Variants in PXDNL observed in about 807,000 individuals in gnomAD.
PXDNL encodes probable oxidoreductase PXDNL.
A neutral mutation model predicts 150.8 loss-of-function variants in PXDNL; 145 were observed. That is an observed-to-expected ratio of 0.96 (90% CI 0.84 to 1.10). PXDNL has a LOEUF of 1.10. Ranked by LOEUF, PXDNL falls within the 50% of genes least tolerant of loss-of-function variation. PXDNL has a pLI of 0.00. For synonymous variants in PXDNL, 757 were observed against 725.7 expected, an observed-to-expected ratio of 1.04 and a Z score of -0.69; for missense variants, 2,087 against 1,873.9, an observed-to-expected ratio of 1.11 and a Z score of -2.10.
intron 1 of PXDNL, among the ~76,000 whole-genome samples, chr8:51,715,223 A>T (rs376806317): frequency 5.5e-4 from 84 of 152,352 alleles, no homozygotes; most frequent in African/African-American, 1.7e-3. Context: ...CAAAGAAGAC[A>T]TACAGAGGGC....
intron 12 of PXDNL, chr8:51,436,274 A>G: frequency 2.0e-6 from 1 of 500,130 alleles, no homozygotes; most frequent in South Asian, 1.5e-5. Context: ...TATATCATAG[A>G]AGAAGGTGTT....
At chr8:51,633,557 T>C (rs976604331) in intron 2 of PXDNL, among the ~76,000 whole-genome samples, 3 of 152,102 alleles carry the variant, frequency 2.0e-5, no homozygotes, top group African/African-American at 7.2e-5. Flanking sequence ...GCATCTGTTG[T>C]TTTTTAACTT....
chr8:51,540,284 A>AT (rs1417013436), intron 4 of PXDNL, among the ~76,000 whole-genome samples: 2 of 151,928 alleles, frequency 1.3e-5, no homozygotes, highest in Non-Finnish European at 1.5e-5. Context: ...ACAATTCTCC[A>AT]TTTTTTGTCC....
chr8:51,423,825 A>G, intron 13 of PXDNL, 94 bp from the exon 14 acceptor site: 2 of 1,163,786 alleles, frequency 1.7e-6, no homozygotes, highest in Non-Finnish European at 2.4e-6. Flanking sequence ...TATTCAACAG[A>G]TATCTATTGC....
chr8:51,449,111 T>C lies in PXDNL; in HGVS notation c.1257A>G (p.Pro419=), dbSNP rs1197185911. The C allele has an allele frequency of 2.0e-6, 3 of 1,532,998 alleles. No homozygotes were observed. The African/African-American group carries it at 4.1e-5, about 21-fold the overall frequency. The allele number at this position is 1,532,998 out of a possible 1,614,324, so 95.0% of individuals were successfully genotyped here. Residue 419 remains proline (P), a synonymous_variant, in exon 11 of 23, where the codon CCA becomes CCG. Transcript: ENST00000356297. ...GATCCTTGGGGGTTACTGTAAATTG[T>C]GGAGGAGCTAAAGAGAATGAAACAT... ...AAANIIVQAP[P]QFTVTPKDQV...
intron 1 of PXDNL, chr8:51,721,732 T>G: frequency 4.6e-6 from 2 of 432,166 alleles, no homozygotes; most frequent in Non-Finnish European, 9.1e-6. Context: ...AACTTCACTA[T>G]CATCATCATC....
chr8:51,599,811 C>T (rs1389194929), intron 2 of PXDNL, among the ~76,000 whole-genome samples: 3 of 140,758 alleles, frequency 2.1e-5, no homozygotes, highest in African/African-American at 8.1e-5. Flanking sequence ...TAAATTATAC[C>T]TTATATAAAT....
chr8:51,692,177 G>A (rs1051298861), intron 1 of PXDNL, among the ~76,000 whole-genome samples: 21 of 152,186 alleles, frequency 1.4e-4, no homozygotes, highest in East Asian at 1.9e-4. Flanking sequence ...TTCTGTCAAC[G>A]TGTGCTATAT....
intron 1 of PXDNL, among the ~76,000 whole-genome samples, chr8:51,711,252 C>T (rs925362131): frequency 3.9e-5 from 6 of 152,152 alleles, no homozygotes; most frequent in African/African-American, 1.2e-4. Context: ...ATTCTCTTGC[C>T]TCAACCTCTC....
chr8:51,744,093 G>GGAAA (rs1259792170), intron 1 of PXDNL, among the ~76,000 whole-genome samples: 2 of 41,128 alleles, frequency 4.9e-5, no homozygotes, highest in African/African-American at 1.2e-4. Flanking sequence ...AAGGAAGGAA[G>GGAAA]GAAAGAAAGA....
At chr8:51,658,981 T>C (rs1014290189) in intron 1 of PXDNL, among the ~76,000 whole-genome samples, 1 of 91,886 alleles carries the variant, frequency 1.1e-5, no homozygotes, top group Non-Finnish European at 2.6e-5. Context: ...CATGTCTCCT[T>C]GTACACTTGA....
chr8:51,638,511 C>G (rs1188776160), intron 2 of PXDNL, among the ~76,000 whole-genome samples: 1 of 151,948 alleles, frequency 6.6e-6, no homozygotes, highest in Non-Finnish European at 1.5e-5. Context: ...GGAAGATCTA[C>G]CAAGCAAATA....
chr8:51,475,010 C>A lies in PXDNL; in HGVS notation c.656G>T (p.Arg219Leu). 2 of 1,608,916 alleles carry A rather than the reference C, an allele frequency of 1.2e-6. No homozygotes were observed. Among genetic ancestry groups the A allele is most frequent in the Non-Finnish European group, 1.7e-6 (2 of 1,177,306 alleles). The change falls in exon 7 of 23, where the codon CGT becomes CTT. Residue 219 changes from arginine to leucine, a missense_variant. Arg to Leu is a moderately radical substitution (Grantham distance 102, BLOSUM62 -2). Transcript: ENST00000356297. ...TCEYPRRLHGRAVASVTVEEF... is the reference protein window; with the variant it reads ...TCEYPRRLHGLAVASVTVEEF... ...CTCTACTGTTACTGAAGCAACTGCA[C>A]GCCCATGGAGTCTCCTGGGATATTC...
At chr8:51,785,187 C>G (rs1167154098) in intron 1 of PXDNL, among the ~76,000 whole-genome samples, 2 of 151,894 alleles carry the variant, frequency 1.3e-5, no homozygotes, top group Non-Finnish European at 2.9e-5. Context: ...ACTCTAACTC[C>G]AGAATCCACT....
Position 51,441,966 on chromosome 8 carries a change from CACAAAGCA to C in PXDNL, c.1525+5030_1525+5037del, listed in dbSNP as rs374121421. On this transcript the variant is annotated intron_variant, in intron 12 of 22. Transcript: ENST00000356297. ...GAGCACCCTGATGACCAAATAAGGC[CACAAAGCA>C]ACAGAAGGAGAGGTCGCCACACTGC... Among the ~76,000 whole-genome samples the C allele has an allele frequency of 5.0e-3, 754 of 152,166 alleles. 5 individuals are homozygous for C. The highest frequency in any genetic ancestry group is 0.017 in the African/African-American group (716 of 41,526).
intron 2 of PXDNL, among the ~76,000 whole-genome samples, chr8:51,638,803 G>T (rs1395393890): frequency 6.6e-6 from 1 of 152,058 alleles, no homozygotes; most frequent in Non-Finnish European, 1.5e-5. Context: ...GAGACAGAAA[G>T]TTAAAAAGGA....
At chr8:51,790,543 G>A (rs2037502092) in intron 1 of PXDNL, among the ~76,000 whole-genome samples, 1 of 152,130 alleles carries the variant, frequency 6.6e-6, no homozygotes, top group Non-Finnish European at 1.5e-5. Flanking sequence ...TGGCATCCAG[G>A]AGCAACTAAG....
intron 2 of PXDNL, among the ~76,000 whole-genome samples, chr8:51,632,462 G>T (rs1814512088): frequency 1.3e-5 from 2 of 152,080 alleles, no homozygotes; most frequent in African/African-American, 4.8e-5. Context: ...AATGAGCCAG[G>T]CATGGTGGCA....
intron 1 of PXDNL, among the ~76,000 whole-genome samples, chr8:51,710,086 C>T (rs1816463030): frequency 2.0e-5 from 3 of 152,130 alleles, no homozygotes; most frequent in Non-Finnish European, 4.4e-5. Context: ...AAAAATATTT[C>T]CTGTCCTTAT....
Sources: allele counts gnomAD v4.1 joint callset (sites outside exome capture counted in the v4.1 genomes callset), GRCh38; gene constraint gnomAD v4.1.1; transcripts MANE v1.5; gene names NCBI Gene and HGNC (gene_info 2026-07-23, HGNC 2026-07-21).